The following CEP57L1 variants were observed in gnomAD, a reference collection of about 807,000 sequenced individuals.
CEP57L1 encodes the protein centrosomal protein 57 like 1.
In CEP57L1, 37 loss-of-function variants were observed where a neutral mutation model predicts 61.0. The observed-to-expected ratio is 0.61, with a 90% CI of 0.47 to 0.80. CEP57L1 has a LOEUF of 0.80. CEP57L1 is among the 30% of genes least tolerant of loss of function. CEP57L1 has a pLI of 0.00. For missense variants in CEP57L1, 422 were observed against 524.7 expected (o/e 0.80, Z 1.91); for synonymous variants, 137 against 162.3 (o/e 0.84, Z 1.19).
At chr6:109,148,043 T>C (rs1772155376) in intron 3 of CEP57L1, among the ~76,000 whole-genome samples, 4 of 152,214 alleles carry the variant, frequency 2.6e-5, no homozygotes, top group Non-Finnish European at 5.9e-5. Flanking sequence ...AGTACATTTC[T>C]TGTGATAACC....
In CEP57L1 at chr6:109,163,102, G is replaced by A. The variant is rs1372701414; in HGVS notation, c.*132G>A. 8 of 645,776 alleles carry A rather than the reference G, an allele frequency of 1.2e-5. No homozygotes were observed. Among genetic ancestry groups the A allele is most frequent in the East Asian group, 2.8e-5 (1 of 35,566 alleles). The allele number at this position is 645,776 out of a possible 1,614,324, so 40.0% of individuals were successfully genotyped here. A position where few individuals can be genotyped will look rare whatever the true frequency, so the allele number is the denominator to read the frequency against. The stretch of plus-strand genomic sequence containing the variant: ...AGTTTCTATAAAACATGAAGTTGCA[G>A]TATTTAAAAATTAATGCCTAATGAC... On this transcript the variant is annotated 3_prime_UTR_variant, in exon 11 of 11. Coordinates refer to ENST00000517392, the MANE Select transcript of CEP57L1 (RefSeq NM_001271852.3).
intron 7 of CEP57L1, chr6:109,158,603 A>G (rs1177380526): frequency 1.1e-5 from 5 of 457,140 alleles, no homozygotes; most frequent in Non-Finnish European, 2.2e-5. Flanking sequence ...TTTCTAGGAT[A>G]AATGCGTAAG....
At chr6:109,100,833 A>C (rs1240730838) in intron 1 of CEP57L1, among the ~76,000 whole-genome samples, 1 of 152,026 alleles carries the variant, frequency 6.6e-6, no homozygotes, top group East Asian at 1.9e-4. Flanking sequence ...TTGGCTGGGC[A>C]TGGTGGCTCA....
chr6:109,154,451 T>C (rs1773007610), intron 5 of CEP57L1, among the ~76,000 whole-genome samples: 2 of 151,586 alleles, frequency 1.3e-5, no homozygotes, highest in Admixed American at 1.3e-4. Context: ...TATATAAGGT[T>C]ATATGTATAT....
At chr6:109,154,210 AG>A (rs1401226480) in intron 5 of CEP57L1, among the ~76,000 whole-genome samples, 2 of 152,174 alleles carry the variant, frequency 1.3e-5, no homozygotes, top group African/African-American at 4.8e-5. Flanking sequence ...CTTTACCTAA[AG>A]GGTATTGAAA....
rs1311308562 is a variant in CEP57L1 at position 109,150,026 on chromosome 6, C to T, written c.341-92C>T. The T allele has an allele frequency of 5.9e-6, 4 of 676,926 alleles. No homozygotes were observed. The African/African-American group carries it at 7.4e-5, about 13-fold the overall frequency. The allele number at this position is 676,926 out of a possible 1,614,324, so 41.9% of individuals were successfully genotyped here. A position where few individuals can be genotyped will look rare whatever the true frequency, so the allele number is the denominator to read the frequency against. On this transcript the variant is annotated intron_variant, in intron 3 of 10. Coordinates refer to ENST00000517392, the MANE Select transcript of CEP57L1 (RefSeq NM_001271852.3). ...AGCTTAAGGAGATTTTGGGCTGAGA[C>T]AATGGGGTTTTCTAGATATACAATC...
chr6:109,138,452 T>C (rs772400444), intron 1 of CEP57L1, among the ~76,000 whole-genome samples: 2 of 152,176 alleles, frequency 1.3e-5, no homozygotes, highest in Admixed American at 6.5e-5. Flanking sequence ...ATTTTGATAT[T>C]ATAAATAATG....
chr6:109,109,541 T>C (rs911155104), intron 1 of CEP57L1, among the ~76,000 whole-genome samples: 7 of 152,094 alleles, frequency 4.6e-5, no homozygotes, highest in Non-Finnish European at 1.5e-5. Flanking sequence ...ATGAAAAGTA[T>C]ATATATATTT....
intron 1 of CEP57L1, among the ~76,000 whole-genome samples, chr6:109,135,804 A>T (rs986846045): frequency 2.0e-5 from 3 of 152,260 alleles, no homozygotes; most frequent in African/African-American, 7.2e-5. Context: ...GCCAACAGAC[A>T]CATGAAAAAC....
In CEP57L1 at chr6:109,172,356, C is replaced by G. The variant is rs1774443457; in HGVS notation, c.*9386C>G. 2.6e-5 allele frequency among the ~76,000 whole-genome samples: 4 copies of G among 152,166 alleles called. No homozygotes were observed. Among genetic ancestry groups the G allele is most frequent in the Non-Finnish European group, 5.9e-5 (4 of 68,030 alleles). ...GGCTGACCTTCAGTTTTCAGCCCCT[C>G]CAAAGATGGAGCTGATACTACATGG... On this transcript the variant is annotated 3_prime_UTR_variant, in exon 11 of 11. Coordinates refer to ENST00000517392, the MANE Select transcript of CEP57L1 (RefSeq NM_001271852.3).
chr6:109,150,304 T>C (rs930271344), intron 4 of CEP57L1, 65 bp downstream of exon 4: 2 of 1,549,760 alleles, frequency 1.3e-6, no homozygotes, highest in Admixed American at 3.5e-5. Context: ...TATTTTAATT[T>C]CACGGGAAAA....
chr6:109,129,877 G>T (rs1005014890), intron 1 of CEP57L1, among the ~76,000 whole-genome samples: 2 of 151,454 alleles, frequency 1.3e-5, no homozygotes, highest in Non-Finnish European at 2.9e-5. Flanking sequence ...TATTATTTTA[G>T]TGAGTTTCCA....
intron 10 of CEP57L1, 53 bp from the exon 11 acceptor site, chr6:109,162,696 A>C (rs1008932215): frequency 3.1e-5 from 36 of 1,152,120 alleles, no homozygotes; most frequent in Non-Finnish European, 4.5e-5. Flanking sequence ...CTATTTTGGA[A>C]TATATTTTTA....
rs545200160 is a variant in CEP57L1 at position 109,165,868 on chromosome 6, C to G, written c.*2898C>G. On this transcript the variant is annotated 3_prime_UTR_variant, in exon 11 of 11. Transcript: ENST00000517392. ...GCTGTAGCAACCTCACAGCTGTGCTCTGTCTAGCAGAAACTTGGTATGATT... is the reference window on the plus strand; with the variant it reads ...GCTGTAGCAACCTCACAGCTGTGCTGTGTCTAGCAGAAACTTGGTATGATT... 6.6e-6 allele frequency: 1 copy of G among 152,306 alleles called. No homozygotes were observed. The highest frequency in any genetic ancestry group is 1.9e-4 in the East Asian group (1 of 5,188). 9.4% of individuals were successfully genotyped at this position (152,306 alleles called of 1,614,324 possible).
chr6:109,135,176 A>G (rs1376669775), intron 1 of CEP57L1, among the ~76,000 whole-genome samples: 2 of 152,240 alleles, frequency 1.3e-5, no homozygotes, highest in African/African-American at 2.4e-5. Context: ...CTACAAGGCT[A>G]CAGTAACCAA....
Position 109,160,726 on chromosome 6 carries a change from C to A in CEP57L1, c.1161+10C>A, listed in dbSNP as rs771362156. The A allele has an allele frequency of 4.5e-6, 7 of 1,568,592 alleles. No individual in the cohort carries two copies. In the African/African-American group the frequency reaches 5.6e-5, roughly 13 times the overall value. ...GAAGCATCAAGACAGTGTAAGAAGGCTTTAGTAAGAGATTTTAATAAAAAC... is the reference window on the plus strand; with the variant it reads ...GAAGCATCAAGACAGTGTAAGAAGGATTTAGTAAGAGATTTTAATAAAAAC... On this transcript the variant is annotated intron_variant, in intron 10 of 10. Transcript: ENST00000517392.
rs766554283 is a variant in CEP57L1, at chr6:109,166,625, C to T, written c.*3655C>T. 1.4e-4 allele frequency among the ~76,000 whole-genome samples: 22 copies of T among 152,136 alleles called. No homozygotes were observed. The highest frequency in any genetic ancestry group is 1.0e-3 in the Admixed American group (16 of 15,274). ...CTGGATCTCCTGACCTCAGGTGATC[C>T]GCCCACCTCAGCCTCCCAAAGTGCT... On this transcript the variant is annotated 3_prime_UTR_variant, in exon 11 of 11. Coordinates refer to ENST00000517392, the MANE Select transcript of CEP57L1 (RefSeq NM_001271852.3).
intron 1 of CEP57L1, among the ~76,000 whole-genome samples, chr6:109,115,219 A>C (rs1772134208): frequency 6.6e-6 from 1 of 152,030 alleles, no homozygotes; most frequent in African/African-American, 2.4e-5. Flanking sequence ...ATGGTAGGAA[A>C]TATTTATTTA....
chr6:109,159,314 G>A lies in CEP57L1; in HGVS notation c.868G>A (p.Val290Met), dbSNP rs779548777. 1.7e-5 allele frequency: 27 copies of A among 1,613,944 alleles called. 1 individual carries two copies. The highest frequency in any genetic ancestry group is 6.7e-5 in the African/African-American group (5 of 74,908). Reference sequence around the variant, plus strand: ...ACATATCCTTCAGAAACCTTTTAACGTGACTGAGACTAGATGTCTCCCCAA... The same window carrying A: ...ACATATCCTTCAGAAACCTTTTAACATGACTGAGACTAGATGTCTCCCCAA... ...DPHILQKPFNVTETRCLPKPS... is the reference protein window; with the variant it reads ...DPHILQKPFNMTETRCLPKPS... Residue 290 changes from valine to methionine, a missense_variant, in exon 9 of 11, where the codon GTG (valine) becomes ATG (methionine). Val to Met is a conservative substitution (Grantham distance 21). Transcript: ENST00000517392.
Sources: allele counts gnomAD v4.1 joint callset (sites outside exome capture counted in the v4.1 genomes callset), GRCh38; gene constraint gnomAD v4.1.1; transcripts MANE v1.5; gene names NCBI Gene and HGNC (gene_info 2026-07-23, HGNC 2026-07-21).